DTL: variants seen among roughly 807,000 people sequenced by gnomAD.
DTL encodes denticleless protein homolog.
DTL carries 46 observed loss-of-function variants against 87.0 expected under a neutral mutation model. That is an observed-to-expected ratio of 0.53 (90% CI 0.42 to 0.68). DTL has a LOEUF of 0.68. DTL is among the 30% of genes least tolerant of loss of function. The pLI is 0.00. For missense variants in DTL, 737 were observed against 869.4 expected, an observed-to-expected ratio of 0.85 and a Z score of 1.91; for synonymous variants, 308 against 311.2, an observed-to-expected ratio of 0.99 and a Z score of 0.11.
intron 13 of DTL, among the ~76,000 whole-genome samples, chr1:212,095,172 G>A (rs57590060): frequency 1.3e-5 from 2 of 152,048 alleles, no homozygotes; most frequent in Non-Finnish European, 2.9e-5. Flanking sequence ...TCTTTTTCCA[G>A]TTCTCATGGG....
chr1:212,066,200 G>C (rs1441484272), intron 7 of DTL, among the ~76,000 whole-genome samples: 1 of 151,794 alleles, frequency 6.6e-6, no homozygotes, highest in African/African-American at 2.4e-5. Flanking sequence ...TATTTTGGGG[G>C]AAGTATGACT....
At chr1:212,040,446 A>T (rs1318560211) in intron 1 of DTL, among the ~76,000 whole-genome samples, 3 of 152,254 alleles carry the variant, frequency 2.0e-5, no homozygotes, top group Admixed American at 2.0e-4. Flanking sequence ...GTTTAGGCAC[A>T]GTAAGAGATT....
chr1:212,063,470 T>A (rs1407709252), intron 6 of DTL, among the ~76,000 whole-genome samples: 1 of 151,820 alleles, frequency 6.6e-6, no homozygotes, highest in African/African-American at 2.4e-5. Flanking sequence ...TGTATTTTTT[T>A]AATAGAAATG....
intron 11 of DTL, 134 bp from the exon 12 acceptor site, chr1:212,078,039 A>C (rs779304613): frequency 2.2e-5 from 11 of 501,442 alleles, no homozygotes; most frequent in Admixed American, 1.1e-4. Flanking sequence ...TTTTTTTCCT[A>C]ACTATAGCTA....
chr1:212,054,087 T>A (rs1041052770), intron 5 of DTL, among the ~76,000 whole-genome samples: 6 of 152,194 alleles, frequency 3.9e-5, no homozygotes, highest in African/African-American at 1.4e-4. Flanking sequence ...CTGTCACACC[T>A]ACAGGAGGGC....
chr1:212,063,863 T>C (rs912371026), intron 6 of DTL, among the ~76,000 whole-genome samples: 1 of 151,664 alleles, frequency 6.6e-6, no homozygotes, highest in African/African-American at 2.4e-5. Flanking sequence ...TTGGGAACAT[T>C]ACAATTCTTC....
At chr1:212,072,332 T>A in intron 11 of DTL, 119 bp downstream of exon 11, 1 of 761,090 alleles carries the variant, frequency 1.3e-6, no homozygotes, top group South Asian at 1.7e-5. Flanking sequence ...GCATCAGATA[T>A]TTAGTAAAGG....
intron 11 of DTL, among the ~76,000 whole-genome samples, chr1:212,073,263 C>G (rs1654730162): frequency 6.6e-6 from 1 of 152,142 alleles, no homozygotes. Context: ...AGAGAATGAT[C>G]ATTAAGGCAT....
chr1:212,093,296 G>A (rs1373550406), intron 13 of DTL, among the ~76,000 whole-genome samples: 3 of 152,196 alleles, frequency 2.0e-5, no homozygotes, highest in East Asian at 1.9e-4. Context: ...CCCAGTGGGC[G>A]TGTGTTACAG....
At chr1:212,037,520 G>C (rs1187614275) in intron 1 of DTL, among the ~76,000 whole-genome samples, 1 of 152,140 alleles carries the variant, frequency 6.6e-6, no homozygotes, top group African/African-American at 2.4e-5. Context: ...TGACTTTAGG[G>C]AAAACAGTGT....
intron 13 of DTL, among the ~76,000 whole-genome samples, chr1:212,087,425 C>T (rs1230508484): frequency 1.3e-5 from 2 of 152,078 alleles, no homozygotes; most frequent in Non-Finnish European, 2.9e-5. Context: ...TGGCACACGC[C>T]TGTAGTCCCA....
chr1:212,057,573 C>A (rs554892249), intron 5 of DTL, among the ~76,000 whole-genome samples: 1 of 152,172 alleles, frequency 6.6e-6, no homozygotes, highest in South Asian at 2.1e-4. Context: ...ATAAAAACTA[C>A]TGGTAAGCAA....
chr1:212,049,236 T>G lies in DTL; in HGVS notation c.460+1819T>G, dbSNP rs529315321. Among the ~76,000 whole-genome samples the G allele has an allele frequency of 3.3e-5, 5 of 152,318 alleles. No homozygotes were observed. The South Asian group carries it at 1.0e-3, about 32-fold the overall frequency. ...CCATGCCCAGCCTGGCTTGGACTTTTAAGAAAGTCGGTTTTAATTTACTGT... is the reference window on the plus strand; with the variant it reads ...CCATGCCCAGCCTGGCTTGGACTTTGAAGAAAGTCGGTTTTAATTTACTGT... On this transcript the variant is annotated intron_variant, in intron 5 of 14. Transcript: ENST00000366991.
chr1:212,081,017 G>C (rs537637909), intron 13 of DTL, among the ~76,000 whole-genome samples: 2 of 152,110 alleles, frequency 1.3e-5, no homozygotes, highest in South Asian at 4.1e-4. Flanking sequence ...TAGGGATTCA[G>C]CAATGAACAA....
At chr1:212,045,118 C>T (rs867595138) in intron 3 of DTL, among the ~76,000 whole-genome samples, 1 of 152,144 alleles carries the variant, frequency 6.6e-6, no homozygotes. Flanking sequence ...TTAGGGAGGG[C>T]GTTAATCTGT....
chr1:212,050,162 C>A (rs779622435), intron 5 of DTL, among the ~76,000 whole-genome samples: 2 of 151,940 alleles, frequency 1.3e-5, no homozygotes, highest in African/African-American at 4.8e-5. Context: ...TAGAGTGAGA[C>A]CCAGTCTCAA....
At chr1:212,068,767 T>A in intron 10 of DTL, 64 bp downstream of exon 10, 1 of 1,035,686 alleles carries the variant, frequency 9.7e-7, no homozygotes, top group Non-Finnish European at 1.5e-6. Context: ...TTGGTAATGA[T>A]AATTTAATGG....
In DTL at chr1:212,100,324, CG is replaced by C; in HGVS notation, c.1335del (p.Ser446HisfsTer60). On this transcript the variant is annotated frameshift_variant, in exon 14 of 15. Transcript: ENST00000366991. LOFTEE classifies it high-confidence loss of function. ...AAGTGCAATCCATCCAATTCTTCCC[CG>C]TCATCCGCAGCTTGTGCCCCAAGCT... ...RAKCNPSNSS[P>X]SSAACAPSCA... The C allele has an allele frequency of 6.2e-7, 1 of 1,612,698 alleles. No individual in the cohort carries two copies. Among genetic ancestry groups the C allele is most frequent in the Non-Finnish European group, 8.5e-7 (1 of 1,179,396 alleles).
intron 12 of DTL, among the ~76,000 whole-genome samples, chr1:212,078,483 T>C (rs1654900267): frequency 6.6e-6 from 1 of 152,210 alleles, no homozygotes; most frequent in Non-Finnish European, 1.5e-5. Flanking sequence ...GATAGATTTC[T>C]GGTTCCCTAC....
Sources: allele counts gnomAD v4.1 joint callset (sites outside exome capture counted in the v4.1 genomes callset), GRCh38; gene constraint gnomAD v4.1.1; transcripts MANE v1.5; gene names NCBI Gene and HGNC (gene_info 2026-07-23, HGNC 2026-07-21).